The following TNRC6B variants were observed in gnomAD, a reference collection of about 807,000 sequenced individuals.
TNRC6B encodes trinucleotide repeat containing adaptor 6B, also known as trinucleotide repeat-containing gene 6B protein.
In TNRC6B, 52 loss-of-function variants were observed where a neutral mutation model predicts 203.6. The ratio of observed to expected loss-of-function variants is 0.26; its 90% confidence interval spans 0.20 to 0.32. The LOEUF (loss-of-function observed/expected upper bound fraction) is 0.32. Ranked by LOEUF, TNRC6B falls within the 10% of genes least tolerant of loss-of-function variation. The pLI is 1.00. For synonymous variants in TNRC6B, 838 were observed against 845.7 expected (o/e 0.99, Z 0.16); for missense variants, 1,923 against 2,286.2 (o/e 0.84, Z 3.24).
At chr22:40,107,732 A>G (rs2146310329) in intron 1 of TNRC6B, among the ~76,000 whole-genome samples, 1 of 152,218 alleles carries the variant, frequency 6.6e-6, no homozygotes, top group South Asian at 2.1e-4. Context: ...ATTAAAAAAT[A>G]CACACTATCC....
At chr22:40,281,692 G>T (rs1011464767) in intron 11 of TNRC6B, among the ~76,000 whole-genome samples, 1 of 152,172 alleles carries the variant, frequency 6.6e-6, no homozygotes, top group Non-Finnish European at 1.5e-5. Context: ...TTAAAAATAG[G>T]AAAACTAGTA....
intron 1 of TNRC6B, among the ~76,000 whole-genome samples, chr22:40,230,419 T>C (rs928157569): frequency 6.6e-5 from 10 of 151,724 alleles, no homozygotes; most frequent in African/African-American, 2.4e-4. Context: ...GCCTCCCTAG[T>C]AGCTGGGACT....
chr22:40,312,991 A>T lies in TNRC6B; in HGVS notation c.4672A>T (p.Thr1558Ser). The part of the protein sequence containing the change: ...SDNSFTNVHS[T>S]SAKFPDYKST... ...CAACTCCTTTACCAACGTTCATAGC[A>T]CTTCAGGTATGAGTGTGAATTTTTT... The change falls in exon 19 of 23, where the codon ACT becomes TCT. Residue 1558 changes from threonine (T) to serine (S), a missense_variant. Around this residue, in one of 8 missense-constraint regions of TNRC6B, gnomAD observed 159 missense variants for 181.0 expected, o/e 0.88. Transcript: ENST00000454349. The T allele has an allele frequency of 6.2e-7, 1 of 1,612,700 alleles. No homozygotes were observed. The highest frequency in any genetic ancestry group is 1.1e-5 in the South Asian group (1 of 90,900).
intron 3 of TNRC6B, among the ~76,000 whole-genome samples, chr22:40,126,689 C>T (rs1039761691): frequency 6.9e-6 from 1 of 145,810 alleles, no homozygotes; most frequent in Non-Finnish European, 1.5e-5. Context: ...CACCCAGGCT[C>T]AAACCATCCT....
At position 40,265,633 on chromosome 22, in the gene TNRC6B, C is replaced by CA; in HGVS notation, c.1409dup (p.Asn470LysfsTer2). On this transcript the variant is annotated frameshift_variant, in exon 5 of 23. Coordinates refer to ENST00000454349, the MANE Select transcript of TNRC6B (RefSeq NM_001162501.2). LOFTEE classifies it high-confidence loss of function. ...GCTTCTGTTCAGAAATCAACTGGGT[C>CA]AAAAAATGACTCTTGGGACAACAAT... is the stretch of plus-strand genomic sequence containing the variant. The CA allele has an allele frequency of 6.2e-7, 1 of 1,613,644 alleles. No homozygotes were observed. The highest frequency in any genetic ancestry group is 8.5e-7 in the Non-Finnish European group (1 of 1,179,758).
At chr22:40,082,622 A>C (rs1216033665) in intron 1 of TNRC6B, among the ~76,000 whole-genome samples, 3 of 152,228 alleles carry the variant, frequency 2.0e-5, no homozygotes, top group African/African-American at 2.4e-5. Context: ...ACAGGTATGT[A>C]TCCAAAAGAT....
chr22:40,294,714 C>T (rs2070915972), intron 12 of TNRC6B, among the ~76,000 whole-genome samples: 1 of 152,238 alleles, frequency 6.6e-6, no homozygotes, highest in South Asian at 2.1e-4. Context: ...TATCTATACT[C>T]ACCCTCCTTT....
intron 1 of TNRC6B, among the ~76,000 whole-genome samples, chr22:40,197,587 G>A (rs769053857): frequency 1.1e-4 from 17 of 148,754 alleles, no homozygotes; most frequent in East Asian, 2.0e-4. Context: ...GCACCCAGCC[G>A]AAAGGCGTTT....
At chr22:40,247,128 T>G (rs1274298555) in intron 2 of TNRC6B, among the ~76,000 whole-genome samples, 1 of 152,144 alleles carries the variant, frequency 6.6e-6, no homozygotes, top group East Asian at 1.9e-4. Flanking sequence ...TCTTTTTGCA[T>G]CTCTTAACTT....
chr22:40,227,245 T>C (rs138042), intron 1 of TNRC6B, among the ~76,000 whole-genome samples: 48,590 of 150,234 alleles, frequency 0.32, 9,629 homozygotes, highest in East Asian at 0.57. Context: ...GTATTTTTAG[T>C]ATAGATCAGG....
intron 1 of TNRC6B, among the ~76,000 whole-genome samples, chr22:40,070,002 T>A (rs2067933870): frequency 6.6e-6 from 1 of 152,094 alleles, no homozygotes; most frequent in African/African-American, 2.4e-5. Context: ...TAGGTACAAG[T>A]GTTGTATTTA....
chr22:40,261,385 T>C (rs1444530416), intron 3 of TNRC6B, among the ~76,000 whole-genome samples: 1 of 152,162 alleles, frequency 6.6e-6, no homozygotes, highest in East Asian at 1.9e-4. Context: ...AAGACCAGCC[T>C]GGTCAACATA....
Position 40,154,622 on chromosome 22 carries a change from C to T in TNRC6B, c.46-1493C>T, listed in dbSNP as rs570952978. Among the ~76,000 whole-genome samples the T allele has an allele frequency of 2.3e-3, 346 of 151,052 alleles. 2 individuals are homozygous for T. The highest frequency in any genetic ancestry group is 7.8e-3 in the African/African-American group (321 of 41,196). On this transcript the variant is annotated intron_variant, in intron 3 of 23. Transcript: ENST00000301923. ...TTGGGAGGCCGAGGCAGGTGGATCA[C>T]GAGATCAGGAGATCGAGACTATCCC...
intron 4 of TNRC6B, among the ~76,000 whole-genome samples, chr22:40,171,146 A>G (rs1218239262): frequency 1.3e-5 from 2 of 149,312 alleles, no homozygotes; most frequent in Non-Finnish European, 3.0e-5. Context: ...TGAACATTTT[A>G]TAAATGCTAA....
chr22:40,208,498 A>C (rs1262890554), intron 1 of TNRC6B, among the ~76,000 whole-genome samples: 1 of 152,234 alleles, frequency 6.6e-6, no homozygotes, highest in African/African-American at 2.4e-5. Context: ...AACAAGTTGC[A>C]GAAGAATAAA....
intron 3 of TNRC6B, among the ~76,000 whole-genome samples, chr22:40,256,178 G>T (rs768208210): frequency 3.3e-5 from 5 of 152,138 alleles, no homozygotes; most frequent in African/African-American, 4.8e-5. Flanking sequence ...CAGCTGGTTC[G>T]GTGATAAGTT....
At chr22:40,320,674 G>A (rs777781642) in intron 21 of TNRC6B, among the ~76,000 whole-genome samples, 4 of 152,182 alleles carry the variant, frequency 2.6e-5, no homozygotes, top group African/African-American at 4.8e-5. Context: ...GAAGTAGGCA[G>A]AAATAGTCTC....
intron 1 of TNRC6B, among the ~76,000 whole-genome samples, chr22:40,209,591 A>G (rs568181426): frequency 1.7e-4 from 26 of 152,298 alleles, no homozygotes; most frequent in African/African-American, 5.3e-4. Context: ...TGGCATGCAT[A>G]AGAAGCATAC....
intron 21 of TNRC6B, among the ~76,000 whole-genome samples, chr22:40,317,825 A>C (rs2071279447): frequency 6.6e-6 from 1 of 152,214 alleles, no homozygotes; most frequent in South Asian, 2.1e-4. Flanking sequence ...TGAGTCCATC[A>C]CAACCTTTAC....
Sources: allele counts gnomAD v4.1 joint callset (sites outside exome capture counted in the v4.1 genomes callset), GRCh38; gene constraint gnomAD v4.1.1; regional missense constraint gnomAD v4.1.1; transcripts MANE v1.5; gene names NCBI Gene and HGNC (gene_info 2026-07-23, HGNC 2026-07-21).